EHD3: variants seen among roughly 807,000 people sequenced by gnomAD.
EHD3 encodes EH domain-containing protein 3.
A neutral mutation model predicts 43.0 loss-of-function variants in EHD3; 17 were observed. The ratio of observed to expected loss-of-function variants is 0.40; its 90% CI spans 0.27 to 0.59. EHD3 has a LOEUF of 0.59. Among genes scored for constraint, EHD3 ranks in the 20% least tolerant of loss-of-function variants. The pLI, the probability that EHD3 is intolerant of heterozygous loss-of-function variation, is 0.49. For synonymous variants in EHD3, 313 were observed against 289.5 expected (o/e 1.08, Z -0.82); for missense variants, 594 against 705.6 (o/e 0.84, Z 1.79).
intron 2 of EHD3, among the ~76,000 whole-genome samples, chr2:31,246,936 G>A (rs1234082406): frequency 1.0e-4 from 15 of 150,312 alleles, no homozygotes; most frequent in East Asian, 5.8e-4. Context: ...TTGCTCTGTC[G>A]CCCAGGCTGA....
At chr2:31,253,787 T>C (rs1407097587) in intron 3 of EHD3, among the ~76,000 whole-genome samples, 1 of 152,136 alleles carries the variant, frequency 6.6e-6, no homozygotes, top group Admixed American at 6.5e-5. Flanking sequence ...TGGGAGGTCC[T>C]GGGCCAGCAC....
intron 2 of EHD3, among the ~76,000 whole-genome samples, chr2:31,248,280 A>T (rs568419431): frequency 2.6e-5 from 4 of 152,324 alleles, no homozygotes; most frequent in African/African-American, 9.6e-5. Context: ...TAAATGCCCA[A>T]ATAAATGTTC....
At chr2:31,241,305 G>A (rs920149063) in intron 1 of EHD3, among the ~76,000 whole-genome samples, 83 of 152,162 alleles carry the variant, frequency 5.5e-4, no homozygotes, top group African/African-American at 1.9e-3. Context: ...AAAGATGGCT[G>A]CATTTCCTGG....
At chr2:31,264,864 A>G (rs1683916756) in intron 5 of EHD3, among the ~76,000 whole-genome samples, 1 of 152,192 alleles carries the variant, frequency 6.6e-6, no homozygotes, top group Non-Finnish European at 1.5e-5. Flanking sequence ...TGTAACAATT[A>G]GCTTAAAATG....
chr2:31,245,553 A>ATTTTTTTTTTTT (rs1227122252), intron 2 of EHD3, among the ~76,000 whole-genome samples: 1 of 35,052 alleles, frequency 2.9e-5, no homozygotes, highest in Non-Finnish European at 5.7e-5. Flanking sequence ...ATATATATAT[A>ATTTTTTTTTTTT]TTTTTTTTTT....
rs111296371 is a variant in EHD3 at position 31,252,543 on chromosome 2, C to T, written c.502+3075C>T. 3.2e-3 allele frequency among the ~76,000 whole-genome samples: 483 copies of T among 152,358 alleles called. 2 individuals carry two copies. Among genetic ancestry groups the T allele is most frequent in the African/African-American group, 0.011 (448 of 41,580 alleles). ...AAGCTGGACTGCAATGGCGTAATCT[C>T]GGCTCACTGCAACCTCTGCCTCCTG... On this transcript the variant is annotated intron_variant, in intron 3 of 5. Coordinates refer to ENST00000322054, the MANE Select transcript of EHD3 (RefSeq NM_014600.3).
chr2:31,244,145 C>T (rs989472981), intron 1 of EHD3, 129 bp from the exon 2 acceptor site: 35 of 785,148 alleles, frequency 4.5e-5, no homozygotes, highest in African/African-American at 1.7e-4. Flanking sequence ...GCATTTCTCC[C>T]GGCCATGAGA....
chr2:31,242,325 G>A (rs1310091343), intron 1 of EHD3, among the ~76,000 whole-genome samples: 1 of 150,914 alleles, frequency 6.6e-6, no homozygotes, highest in Non-Finnish European at 1.5e-5. Context: ...GTGGGGAGGG[G>A]TGTGTGTGTG....
At chr2:31,255,435 G>C (rs1270616161) in intron 3 of EHD3, among the ~76,000 whole-genome samples, 1 of 147,870 alleles carries the variant, frequency 6.8e-6, no homozygotes, top group African/African-American at 2.7e-5. Context: ...TCCTCATTCA[G>C]CTCTACCACA....
intron 1 of EHD3, among the ~76,000 whole-genome samples, chr2:31,242,587 T>G (rs2148716334): frequency 6.6e-6 from 1 of 152,294 alleles, no homozygotes; most frequent in South Asian, 2.1e-4. Context: ...TAGTCTCTTC[T>G]TTGAAAGTTG....
At chr2:31,256,239 T>G (rs377086197) in intron 3 of EHD3, among the ~76,000 whole-genome samples, 1 of 152,206 alleles carries the variant, frequency 6.6e-6, no homozygotes, top group East Asian at 1.9e-4. Flanking sequence ...AAGGAGTGCT[T>G]TACAAAAAAC....
In EHD3 at chr2:31,266,162, T is replaced by G. The variant is rs2148725336; in HGVS notation, c.1081-15T>G. On this transcript the variant is annotated splice_polypyrimidine_tract_variant and intron_variant, in intron 5 of 5. Transcript: ENST00000322054. This position sits in a 1 kb window ranked among gnomAD's most constrained non-coding sequence, Gnocchi z 5.1. Reference sequence around the variant, plus strand: ...CATCGTATCCTATCTTCATCCTCTCTCCTCCTCTTCCCAGGACCAGCTGCA... The same window carrying G: ...CATCGTATCCTATCTTCATCCTCTCGCCTCCTCTTCCCAGGACCAGCTGCA... 1 of 1,599,910 alleles carries G rather than the reference T, an allele frequency of 6.3e-7. No individual in the cohort carries two copies. The highest frequency in any genetic ancestry group is 8.5e-7 in the Non-Finnish European group (1 of 1,170,916).
At chr2:31,247,487 CTG>C (rs1683550171) in intron 2 of EHD3, among the ~76,000 whole-genome samples, 1 of 152,182 alleles carries the variant, frequency 6.6e-6, no homozygotes, top group African/African-American at 2.4e-5. Context: ...ATGAAGGTGA[CTG>C]AGGCAAGATC....
intron 5 of EHD3, among the ~76,000 whole-genome samples, chr2:31,265,198 TAGAA>T (rs1683924720): frequency 6.6e-6 from 1 of 152,176 alleles, no homozygotes; most frequent in South Asian, 2.1e-4. Flanking sequence ...TTTAAATAAG[TAGAA>T]AGAATACACC....
chr2:31,262,771 T>G (rs1683879203), intron 5 of EHD3, among the ~76,000 whole-genome samples: 1 of 152,128 alleles, frequency 6.6e-6, no homozygotes, highest in African/African-American at 2.4e-5. Context: ...AAAAATTAAC[T>G]GGGCATGGTG....
In EHD3 at chr2:31,261,557, C is replaced by T. The variant is rs142118054; in HGVS notation, c.924C>T (p.Ala308=). The T allele has an allele frequency of 4.6e-5, 74 of 1,614,086 alleles. No homozygotes were observed. The highest frequency in any genetic ancestry group is 6.0e-5 in the Non-Finnish European group (71 of 1,180,028). Reference sequence around the variant, plus strand: ...CTGGCCCTGTTTGTCAGGTCCACGCCTACATCATCAGCTCTCTGAAGAAGG... The same window carrying T: ...CTGGCCCTGTTTGTCAGGTCCACGCTTACATCATCAGCTCTCTGAAGAAGG... The part of the protein sequence containing the change: ...IKRARLAKVH[A]YIISSLKKEM... The change falls in exon 5 of 6, where the codon GCC becomes GCT. Residue 308 remains alanine (A), a synonymous_variant. Coordinates refer to ENST00000322054, the MANE Select transcript of EHD3 (RefSeq NM_014600.3).
chr2:31,264,878 A>G (rs1464884259), intron 5 of EHD3, among the ~76,000 whole-genome samples: 1 of 152,176 alleles, frequency 6.6e-6, no homozygotes, highest in Non-Finnish European at 1.5e-5. Context: ...TAAAATGTAC[A>G]TTGTATATCT....
At position 31,268,247 on chromosome 2, in the gene EHD3, A is replaced by G. The variant is rs1683992135; in HGVS notation, c.*1543A>G. 6.6e-6 allele frequency: 1 copy of G among 152,622 alleles called. No individual in the cohort carries two copies. The highest frequency in any genetic ancestry group is 2.1e-4 in the South Asian group (1 of 4,826). The allele number at this position is 152,622 out of a possible 1,614,324, so 9.5% of individuals were successfully genotyped here. The stretch of plus-strand genomic sequence containing the variant: ...CAATCACTTTGTATGCTATGCTCCT[A>G]CTGTGATGGAAAACAAAATGAGTAT... On this transcript the variant is annotated 3_prime_UTR_variant, in exon 6 of 6. Transcript: ENST00000322054.
At chr2:31,235,175 T>A (rs191822236) in intron 1 of EHD3, among the ~76,000 whole-genome samples, 10 of 152,228 alleles carry the variant, frequency 6.6e-5, no homozygotes, top group South Asian at 2.1e-4. Context: ...GAGCTCCTGG[T>A]CTCTGGAGCG....
Sources: gnomAD v4.1 joint callset for allele counts (sites outside exome capture counted in the v4.1 genomes callset) on GRCh38, gnomAD v4.1.1 for gene constraint, Gnocchi (gnomAD v3.1) non-coding constraint, MANE v1.5 for transcripts, NCBI Gene and HGNC (gene_info 2026-07-23, HGNC 2026-07-21) for gene names.